Variants in EYA1 observed in about 807,000 individuals in gnomAD.
EYA1 encodes protein phosphatase EYA1.
A neutral mutation model predicts 82.0 loss-of-function variants in EYA1; 16 were observed. The ratio of observed to expected loss-of-function variants is 0.20; its 90% CI spans 0.13 to 0.30. The LOEUF is 0.30. Ranked by LOEUF, EYA1 falls within the 10% of genes least tolerant of loss-of-function variation. The pLI, the probability that EYA1 is intolerant of heterozygous loss-of-function variation, is 1.00. For missense variants in EYA1, 633 were observed against 730.7 expected, an observed-to-expected ratio of 0.87 and a Z score of 1.54; for synonymous variants, 261 against 264.4, an observed-to-expected ratio of 0.99 and a Z score of 0.12.
At chr8:71,275,513 T>C (rs975197000) in intron 9 of EYA1, among the ~76,000 whole-genome samples, 5 of 152,122 alleles carry the variant, frequency 3.3e-5, no homozygotes, top group African/African-American at 1.2e-4. Context: ...ACACCATATG[T>C]AATTAAGGAA....
intron 2 of EYA1, among the ~76,000 whole-genome samples, chr8:71,504,770 G>A (rs1377361469): frequency 6.6e-6 from 1 of 151,956 alleles, no homozygotes; most frequent in Non-Finnish European, 1.5e-5. Flanking sequence ...CTACCTTCTT[G>A]AGATAATGAC....
At chr8:71,495,946 A>T (rs1811379750) in intron 2 of EYA1, among the ~76,000 whole-genome samples, 1 of 152,206 alleles carries the variant, frequency 6.6e-6, no homozygotes, top group Admixed American at 6.5e-5. Flanking sequence ...TACATTGCAG[A>T]CTCTAAAAGC....
intron 11 of EYA1, among the ~76,000 whole-genome samples, chr8:71,246,600 G>A (rs1251416226): frequency 6.6e-6 from 1 of 152,202 alleles, no homozygotes; most frequent in Admixed American, 6.5e-5. Context: ...GGCCTAGACT[G>A]TAGGCCAGAC....
intron 2 of EYA1, among the ~76,000 whole-genome samples, chr8:71,481,468 T>C (rs1810153466): frequency 6.6e-6 from 1 of 152,200 alleles, no homozygotes; most frequent in Non-Finnish European, 1.5e-5. Context: ...TATTTTTTGA[T>C]ATTTTTTCAA....
chr8:71,287,036 G>A (rs554358030), intron 9 of EYA1, among the ~76,000 whole-genome samples: 3 of 151,882 alleles, frequency 2.0e-5, no homozygotes, highest in East Asian at 1.9e-4. Context: ...TCCTGACTTC[G>A]TGATCCACCC....
chr8:71,297,102 A>T (rs548973570), intron 9 of EYA1, among the ~76,000 whole-genome samples: 2 of 152,154 alleles, frequency 1.3e-5, no homozygotes, highest in Non-Finnish European at 2.9e-5. Context: ...ACTCATTCCT[A>T]TTCTTTTCCC....
chr8:71,260,322 T>C (rs1814943224), intron 11 of EYA1, among the ~76,000 whole-genome samples: 1 of 152,238 alleles, frequency 6.6e-6, no homozygotes, highest in African/African-American at 2.4e-5. Flanking sequence ...ACTTGGTCTC[T>C]ACAAAGTACT....
chr8:71,267,577 C>T (rs565369059), intron 11 of EYA1, among the ~76,000 whole-genome samples: 1 of 152,226 alleles, frequency 6.6e-6, no homozygotes, highest in South Asian at 2.1e-4. Context: ...GAGATGGAGT[C>T]TTGCTCTGTT....
intron 12 of EYA1, among the ~76,000 whole-genome samples, chr8:71,232,412 G>C (rs1428218775): frequency 6.6e-6 from 1 of 152,208 alleles, no homozygotes; most frequent in Non-Finnish European, 1.5e-5. Flanking sequence ...CAAAACATGA[G>C]GTAGGAAGAC....
intron 2 of EYA1, among the ~76,000 whole-genome samples, chr8:71,371,356 C>T (rs994200948): frequency 1.3e-5 from 2 of 152,120 alleles, no homozygotes; most frequent in Non-Finnish European, 2.9e-5. Context: ...CATTAGGGTT[C>T]CCAGAACACT....
At chr8:71,262,208 T>C (rs989242303) in intron 11 of EYA1, among the ~76,000 whole-genome samples, 2 of 152,256 alleles carry the variant, frequency 1.3e-5, no homozygotes, top group Non-Finnish European at 2.9e-5. Flanking sequence ...GAGATAGCAG[T>C]GTAAACCATA....
intron 2 of EYA1, among the ~76,000 whole-genome samples, chr8:71,408,845 A>T (rs879461570): frequency 0.062 from 7,473 of 119,960 alleles, 851 homozygotes; most frequent in African/African-American, 0.24. Context: ...ATACCCAGGA[A>T]TTGAACTCAT....
chr8:71,274,932 G>GAGAGCACGAGAGCAAGCA (rs1816972912), intron 9 of EYA1, among the ~76,000 whole-genome samples: 1 of 152,236 alleles, frequency 6.6e-6, no homozygotes, highest in African/African-American at 2.4e-5. Flanking sequence ...GAATGAGAGC[G>GAGAGCACGAGAGCAAGCA]AGTGAACGAG....
At chr8:71,244,240 A>G (rs1812810851) in intron 12 of EYA1, among the ~76,000 whole-genome samples, 1 of 152,238 alleles carries the variant, frequency 6.6e-6, no homozygotes, top group Non-Finnish European at 1.5e-5. Context: ...GTCTGACATA[A>G]CAGTCTCAAA....
In EYA1 at chr8:71,309,949, A is replaced by C. The variant is rs189009014; in HGVS notation, c.556+7603T>G. Reference sequence around the variant, plus strand: ...TGTGTTATTTTCTTCTCTAAGTGAGAGCAATAAAACCTAAAGGAAAATAAA... The same window carrying C: ...TGTGTTATTTTCTTCTCTAAGTGAGCGCAATAAAACCTAAAGGAAAATAAA... On this transcript the variant is annotated intron_variant, in intron 7 of 17. Transcript: ENST00000340726. 1.4e-4 allele frequency among the ~76,000 whole-genome samples: 21 copies of C among 152,306 alleles called. No individual in the cohort carries two copies. In the East Asian group the frequency reaches 3.7e-3, roughly 27 times the overall value.
intron 2 of EYA1, among the ~76,000 whole-genome samples, chr8:71,373,071 C>G (rs1828175838): frequency 6.6e-6 from 1 of 152,024 alleles, no homozygotes; most frequent in African/African-American, 2.4e-5. Flanking sequence ...AGATCTGGTA[C>G]AAAGCAAGGA....
intron 2 of EYA1, among the ~76,000 whole-genome samples, chr8:71,396,910 T>C (rs1021716222): frequency 6.6e-6 from 1 of 152,206 alleles, no homozygotes; most frequent in South Asian, 2.1e-4. Context: ...CCATTATTAT[T>C]GTGTGGGAGT....
At chr8:71,492,354 G>A (rs1811064627) in intron 2 of EYA1, among the ~76,000 whole-genome samples, 1 of 152,164 alleles carries the variant, frequency 6.6e-6, no homozygotes, top group African/African-American at 2.4e-5. Flanking sequence ...AATGGACTAA[G>A]AATAGGGAGA....
At chr8:71,269,033 A>G (rs552031958) in intron 11 of EYA1, among the ~76,000 whole-genome samples, 6 of 152,232 alleles carry the variant, frequency 3.9e-5, no homozygotes, top group Non-Finnish European at 7.3e-5. Flanking sequence ...AATTACCTAT[A>G]GCTACTTTAA....
Sources: allele counts gnomAD v4.1 joint callset (sites outside exome capture counted in the v4.1 genomes callset), GRCh38; gene constraint gnomAD v4.1.1; transcripts MANE v1.5; gene names NCBI Gene and HGNC (gene_info 2026-07-23, HGNC 2026-07-21).